CASK: variants seen among roughly 807,000 people sequenced by gnomAD.
CASK encodes peripheral plasma membrane protein CASK.
Under a neutral mutation model 82.9 loss-of-function variants are expected in CASK, and 4 were observed. The ratio of observed to expected loss-of-function variants is 0.05; its 90% CI spans 0.02 to 0.11. The LOEUF is 0.11. Ranked by LOEUF, CASK falls within the 10% of genes least tolerant of loss-of-function variation. The pLI is 1.00. For missense variants in CASK, 358 were observed against 720.9 expected, an observed-to-expected ratio of 0.50 and a Z score of 5.76; for synonymous variants, 259 against 253.5, an observed-to-expected ratio of 1.02 and a Z score of -0.20.
At chrX:41,616,210 CTTTA>C (rs2066194058) in intron 11 of CASK, among the ~76,000 whole-genome samples, 1 of 111,550 alleles carries the variant, frequency 9.0e-6, no homozygotes, top group Non-Finnish European at 1.9e-5. Context: ...TAAGGCAGCT[CTTTA>C]TTTTATTCAT....
At chrX:41,727,465 C>A (rs368375953) in intron 5 of CASK, 2 of 1,208,018 alleles carry the variant, frequency 1.7e-6, no homozygotes, top group East Asian at 5.9e-5. Flanking sequence ...GAAAAAATTT[C>A]GCCAGCCCAA....
chrX:41,722,917 T>C (rs917303706), intron 5 of CASK, among the ~76,000 whole-genome samples: 1 of 112,350 alleles, frequency 8.9e-6, no homozygotes, highest in Non-Finnish European at 1.9e-5. Context: ...TTCTATGTAA[T>C]TCCTTCCTGG....
intron 1 of CASK, among the ~76,000 whole-genome samples, chrX:41,905,918 G>T (rs760890399): frequency 1.9e-4 from 21 of 112,233 alleles, no homozygotes; most frequent in Admixed American, 7.5e-4. Flanking sequence ...TTCAACCTTA[G>T]AAACTTCTTT....
intron 1 of CASK, among the ~76,000 whole-genome samples, chrX:41,906,164 T>G (rs1182268774): frequency 8.9e-6 from 1 of 112,204 alleles, no homozygotes; most frequent in African/African-American, 3.2e-5. Context: ...TTCTAATGTG[T>G]TCAGTCACTT....
At chrX:41,704,633 C>T (rs142786288) in intron 5 of CASK, among the ~76,000 whole-genome samples, 332 of 111,878 alleles carry the variant, frequency 3.0e-3, no homozygotes, top group African/African-American at 0.01. Flanking sequence ...TGATCTTGGC[C>T]AATGTATACG....
intron 11 of CASK, among the ~76,000 whole-genome samples, chrX:41,614,377 T>C (rs1220548416): frequency 8.9e-6 from 1 of 112,320 alleles, no homozygotes; most frequent in Non-Finnish European, 1.9e-5. Flanking sequence ...TAAAATAAAA[T>C]AAAAAGAATA....
chrX:41,811,064 G>A (rs1232748308), intron 2 of CASK, among the ~76,000 whole-genome samples: 1 of 111,065 alleles, frequency 9.0e-6, no homozygotes, highest in African/African-American at 3.3e-5. Context: ...CAATACAGGA[G>A]CACCCAGATT....
At chrX:41,553,989 C>T in intron 20 of CASK, 74 bp from the exon 21 acceptor site, 4 of 718,866 alleles carry the variant, frequency 5.6e-6, no homozygotes, top group Non-Finnish European at 8.7e-6. Flanking sequence ...GTCATAACCA[C>T]ACACCAACAG....
At chrX:41,816,959 C>T (rs776658552) in intron 2 of CASK, among the ~76,000 whole-genome samples, 32 of 111,747 alleles carry the variant, frequency 2.9e-4, no homozygotes, top group East Asian at 2.8e-4. Flanking sequence ...TGAAAAGGAA[C>T]ACTTTCTAAT....
At chrX:41,900,947 T>C (rs990365632) in intron 1 of CASK, among the ~76,000 whole-genome samples, 2 of 110,018 alleles carry the variant, frequency 1.8e-5, no homozygotes, top group Admixed American at 1.9e-4. Context: ...GGTTTCACCA[T>C]GTTGGCCAGG....
chrX:41,882,189 C>G (rs2071965320), intron 1 of CASK, among the ~76,000 whole-genome samples: 1 of 111,442 alleles, frequency 9.0e-6, no homozygotes, highest in African/African-American at 3.3e-5. Context: ...CTTCATATCT[C>G]ATAGGATATG....
chrX:41,542,096 A>C (rs1048618612), intron 22 of CASK, among the ~76,000 whole-genome samples: 4 of 112,396 alleles, frequency 3.6e-5, no homozygotes, highest in Admixed American at 9.4e-5. Context: ...GCAAACATAC[A>C]TACTATAAAG....
At chrX:41,808,664 T>A (rs2070189611) in intron 2 of CASK, among the ~76,000 whole-genome samples, 2 of 111,799 alleles carry the variant, frequency 1.8e-5, no homozygotes, top group African/African-American at 3.3e-5. Context: ...AGACGGGTGA[T>A]TTCTGCATTT....
intron 11 of CASK, among the ~76,000 whole-genome samples, chrX:41,611,746 C>T (rs894483428): frequency 9.5e-6 from 1 of 105,405 alleles, no homozygotes; most frequent in Middle Eastern, 4.8e-3. Context: ...CCTCTGATGC[C>T]GAGCCGAAGC....
chrX:41,786,615 G>T (rs2069611688), intron 3 of CASK, among the ~76,000 whole-genome samples: 1 of 110,193 alleles, frequency 9.1e-6, no homozygotes, highest in South Asian at 3.9e-4. Flanking sequence ...TAATCTCTTT[G>T]GACACAATCA....
At chrX:41,745,766 A>G (rs2068675948) in intron 3 of CASK, among the ~76,000 whole-genome samples, 165 bp from the exon 4 acceptor site, 1 of 112,546 alleles carries the variant, frequency 8.9e-6, no homozygotes, top group South Asian at 3.6e-4. Context: ...TATAAAGGGC[A>G]TGACAGTCAT....
At chrX:41,530,890 T>G (rs1171375718) in intron 25 of CASK, 117 bp downstream of exon 25, 2 of 667,885 alleles carry the variant, frequency 3.0e-6, no homozygotes, top group Non-Finnish European at 4.8e-6. Flanking sequence ...GATACTTTTC[T>G]GTGGTTTATG....
At chrX:41,622,497 T>G in intron 11 of CASK, 120 bp downstream of exon 11, 1 of 505,166 alleles carries the variant, frequency 2.0e-6, no homozygotes, top group East Asian at 3.9e-5. Flanking sequence ...GTGTTAAAAT[T>G]AATACTTAAA....
At chrX:41,773,603 C>A (rs1027042254) in intron 3 of CASK, among the ~76,000 whole-genome samples, 1 of 110,750 alleles carries the variant, frequency 9.0e-6, no homozygotes, top group Non-Finnish European at 1.9e-5. Flanking sequence ...CTGATAAATG[C>A]ATAGTTAGGG....
Sources: gnomAD v4.1 joint callset for allele counts (sites outside exome capture counted in the v4.1 genomes callset) on GRCh38, gnomAD v4.1.1 for gene constraint, MANE v1.5 for transcripts, NCBI Gene and HGNC (gene_info 2026-07-23, HGNC 2026-07-21) for gene names.